Variants in FRS2 observed in about 807,000 individuals in gnomAD.
FRS2 encodes FGFR signalling adaptor.
FRS2 carries 8 observed loss-of-function variants against 43.9 expected under a neutral mutation model. The observed-to-expected ratio is 0.18, with a 90% CI of 0.11 to 0.33. The LOEUF is 0.33. Among genes scored for constraint, FRS2 ranks in the 10% least tolerant of loss-of-function variants. The pLI is 1.00. For missense variants in FRS2, 534 were observed against 627.6 expected (o/e 0.85, Z 1.59); for synonymous variants, 219 against 220.3 (o/e 0.99, Z 0.05).
intron 1 of FRS2, among the ~76,000 whole-genome samples, chr12:69,510,104 A>G (rs560778161): frequency 6.6e-6 from 1 of 152,196 alleles, no homozygotes; most frequent in African/African-American, 2.4e-5. Flanking sequence ...TCCCTAGCAT[A>G]CCTCATGTGG....
In FRS2 at chr12:69,567,717, G is replaced by A. The variant is rs183041885; in HGVS notation, c.-26-1288G>A. Among the ~76,000 whole-genome samples the A allele has an allele frequency of 5.9e-5, 9 of 152,312 alleles. 1 individual carries two copies. In the East Asian group the frequency reaches 1.4e-3, roughly 23 times the overall value. On this transcript the variant is annotated intron_variant, in intron 4 of 8. Transcript: ENST00000549921. ...TCCTAGAGGAACTGCACTTTGAGTT[G>A]AATCTTGAGAAAGGAAAGAAGCAGA... is the stretch of plus-strand genomic sequence containing the variant.
At position 69,470,495 on chromosome 12, in the gene FRS2, C is replaced by G; in HGVS notation, c.-296C>G. 2.5e-6 allele frequency: 1 copy of G among 398,694 alleles called. No homozygotes were observed. Among genetic ancestry groups the G allele is most frequent in the Non-Finnish European group, 4.4e-6 (1 of 226,134 alleles). The allele number at this position is 398,694 out of a possible 1,614,324, so 24.7% of individuals were successfully genotyped here. On this transcript the variant is annotated 5_prime_UTR_variant, in exon 1 of 9. Transcript: ENST00000549921. ...GAGTCTGGGGGTTCGCGCCCGCCGA[C>G]CCGCGCCCTGCTCCCTCTCAGCACC...
intron 1 of FRS2, among the ~76,000 whole-genome samples, chr12:69,530,301 C>T (rs562984522): frequency 1.3e-4 from 20 of 150,244 alleles, no homozygotes; most frequent in African/African-American, 4.9e-4. Context: ...CTGTAAATGG[C>T]ACTCCGGAGT....
chr12:69,523,266 G>T (rs1268136240), intron 1 of FRS2, among the ~76,000 whole-genome samples: 1 of 152,230 alleles, frequency 6.6e-6, no homozygotes, highest in Non-Finnish European at 1.5e-5. Flanking sequence ...GGGTGCTCCT[G>T]TGTTGGGTGT....
intron 1 of FRS2, among the ~76,000 whole-genome samples, chr12:69,506,152 C>A (rs767985001): frequency 1.4e-4 from 21 of 152,220 alleles, no homozygotes; most frequent in South Asian, 6.2e-4. Context: ...GCATAAATTT[C>A]TGTTCATGGG....
At chr12:69,550,925 G>A (rs1228419372) in intron 3 of FRS2, among the ~76,000 whole-genome samples, 1 of 152,124 alleles carries the variant, frequency 6.6e-6, no homozygotes, top group African/African-American at 2.4e-5. Flanking sequence ...ATTATTTAAA[G>A]TACACAGCTT....
intron 1 of FRS2, among the ~76,000 whole-genome samples, chr12:69,479,797 C>T (rs935868196): frequency 5.3e-5 from 8 of 152,092 alleles, no homozygotes; most frequent in South Asian, 2.1e-4. Context: ...TTTTATTTAT[C>T]GTGCTTGGTA....
rs1236930736 is a variant in FRS2, at chr12:69,574,771, A to G, written c.1343A>G (p.Asp448Gly). Residue 448 changes from aspartate (D) to glycine (G), a missense_variant, in exon 9 of 9, where the codon GAC becomes GGC. By Grantham distance (94) the Asp-to-Gly change is moderately conservative (BLOSUM62 -1). This residue lies in a region of FRS2 where 446 missense variants were observed against 494.2 expected (regional missense o/e 0.90). Coordinates refer to ENST00000549921, the MANE Select transcript of FRS2 (RefSeq NM_001278356.2). ...QVDLEGGSDS[D>G]NPQTPKTPTT... ...GACTTGGAAGGTGGCAGTGACTCTGACAACCCTCAGACTCCAAAAACGCCT... is the reference window on the plus strand; with the variant it reads ...GACTTGGAAGGTGGCAGTGACTCTGGCAACCCTCAGACTCCAAAAACGCCT... The G allele has an allele frequency of 6.2e-7, 1 of 1,614,140 alleles. No homozygotes were observed.
At chr12:69,542,044 T>A (rs1877958399) in intron 3 of FRS2, among the ~76,000 whole-genome samples, 1 of 152,192 alleles carries the variant, frequency 6.6e-6, no homozygotes, top group Non-Finnish European at 1.5e-5. Context: ...TTTTATTATC[T>A]TTTTATTATT....
At position 69,570,321 on chromosome 12, in the gene FRS2, CT is replaced by C; in HGVS notation, c.67-3del. 1 of 1,604,690 alleles carries C rather than the reference CT, an allele frequency of 6.2e-7. No individual in the cohort carries two copies. The highest frequency in any genetic ancestry group is 8.5e-7 in the Non-Finnish European group (1 of 1,171,690). On this transcript the variant is annotated splice_polypyrimidine_tract_variant and intron_variant, in intron 5 of 8. Coordinates refer to ENST00000549921, the MANE Select transcript of FRS2 (RefSeq NM_001278356.2). The stretch of plus-strand genomic sequence containing the variant: ...GACATATTTGCATGACTGTCACCTT[CT>C]TTTTTTAGGTCATTAATGTGGATGA...
chr12:69,532,495 G>C (rs560356176), intron 3 of FRS2, among the ~76,000 whole-genome samples: 1 of 152,298 alleles, frequency 6.6e-6, no homozygotes, highest in South Asian at 2.1e-4. Flanking sequence ...GGGGAGGAAT[G>C]CTGTGTCCTT....
chr12:69,525,951 C>A (rs1429407591), intron 1 of FRS2, among the ~76,000 whole-genome samples: 3 of 152,206 alleles, frequency 2.0e-5, no homozygotes, highest in East Asian at 3.9e-4. Context: ...CTTCCGCCCC[C>A]TGGGTTCAAG....
intron 1 of FRS2, among the ~76,000 whole-genome samples, chr12:69,529,024 A>G (rs925699131): frequency 6.6e-6 from 1 of 152,190 alleles, no homozygotes; most frequent in South Asian, 2.1e-4. Flanking sequence ...GGGGGATAGC[A>G]GATCATGGTC....
chr12:69,495,046 C>T (rs1247551003), intron 1 of FRS2, among the ~76,000 whole-genome samples: 1 of 152,194 alleles, frequency 6.6e-6, no homozygotes, highest in African/African-American at 2.4e-5. Flanking sequence ...GCTGGGATTA[C>T]AGGCATGAAC....
chr12:69,509,094 A>G (rs1874222261), intron 1 of FRS2, among the ~76,000 whole-genome samples: 1 of 152,196 alleles, frequency 6.6e-6, no homozygotes, highest in Non-Finnish European at 1.5e-5. Flanking sequence ...GGTTGGACAC[A>G]TTAAGTAATC....
chr12:69,529,358 T>C (rs1201751932), intron 1 of FRS2, among the ~76,000 whole-genome samples: 1 of 152,174 alleles, frequency 6.6e-6, no homozygotes, highest in Non-Finnish European at 1.5e-5. Flanking sequence ...GCATGGTGGC[T>C]CATTCCTGTA....
At chr12:69,541,221 A>T (rs948431071) in intron 3 of FRS2, among the ~76,000 whole-genome samples, 1 of 152,196 alleles carries the variant, frequency 6.6e-6, no homozygotes, top group Non-Finnish European at 1.5e-5. Flanking sequence ...TTAGTAAAGG[A>T]GGATATCAGA....
intron 1 of FRS2, among the ~76,000 whole-genome samples, chr12:69,511,420 G>A (rs374208162): frequency 1.1e-4 from 16 of 152,236 alleles, no homozygotes; most frequent in African/African-American, 3.9e-4. Flanking sequence ...GAATTCCATT[G>A]ATAATGTTTT....
At position 69,535,304 on chromosome 12, in the gene FRS2, C is replaced by T. The variant is rs561538883; in HGVS notation, c.-122+3248C>T. Among the ~76,000 whole-genome samples the T allele has an allele frequency of 7.9e-5, 12 of 152,180 alleles. 1 individual carries two copies. In the East Asian group the frequency reaches 2.1e-3, roughly 27 times the overall value. ...ACTTGAAATGAGATCTAGATACAGG[C>T]GTTGATGTAGATACTTAAATGAAAT... On this transcript the variant is annotated intron_variant, in intron 3 of 8. Coordinates refer to ENST00000549921, the MANE Select transcript of FRS2 (RefSeq NM_001278356.2).
Sources: allele counts gnomAD v4.1 joint callset (sites outside exome capture counted in the v4.1 genomes callset), GRCh38; gene constraint gnomAD v4.1.1; regional missense constraint gnomAD v4.1.1; transcripts MANE v1.5; gene names NCBI Gene and HGNC (gene_info 2026-07-23, HGNC 2026-07-21).